RNF32: variants seen among roughly 807,000 people sequenced by gnomAD.
RNF32 encodes ring finger protein 32.
RNF32 carries 36 observed loss-of-function variants against 41.0 expected under a neutral mutation model. That is an observed-to-expected ratio of 0.88 (90% CI 0.67 to 1.16). The LOEUF (loss-of-function observed/expected upper bound fraction) is 1.16, where lower values mean the gene tolerates loss of function less well. RNF32 is among the 50% of genes most tolerant of loss of function. The probability of loss-of-function intolerance (pLI) is 0.00; values close to 1 mark genes in which losing one functional copy is unlikely to be tolerated. For missense variants in RNF32, 413 were observed against 436.7 expected (o/e 0.95, Z 0.48); for synonymous variants, 154 against 160.9 (o/e 0.96, Z 0.32).
At chr7:156,654,946 T>G (rs1049916333) in intron 4 of RNF32, 1 of 402,260 alleles carries the variant, frequency 2.5e-6, no homozygotes, top group African/African-American at 2.0e-5. Context: ...TACTAAAGTT[T>G]GTACAAAAGG....
At chr7:156,655,595 T>C (rs1044030841) in intron 4 of RNF32, among the ~76,000 whole-genome samples, 2 of 152,216 alleles carry the variant, frequency 1.3e-5, no homozygotes, top group Admixed American at 1.3e-4. Context: ...TGAGTCTTCA[T>C]TGAATTTGAG....
At chr7:156,654,880 A>C in intron 4 of RNF32, 162 bp downstream of exon 4, 1 of 585,606 alleles carries the variant, frequency 1.7e-6, no homozygotes, top group Admixed American at 3.0e-5. Flanking sequence ...AAGTGTGTGA[A>C]GAGCTAAACA....
intron 1 of RNF32, chr7:156,641,133 A>C (rs1298619264): frequency 6.6e-6 from 1 of 152,498 alleles, no homozygotes; most frequent in Admixed American, 6.5e-5. Context: ...CCCCAGGTGC[A>C]GGGTGGTGTC....
At chr7:156,654,330 T>C (rs961482778) in intron 3 of RNF32, 4 of 380,816 alleles carry the variant, frequency 1.1e-5, no homozygotes, top group Non-Finnish European at 1.9e-5. Context: ...ACTGGCAGTA[T>C]ACAGGAGGAT....
chr7:156,660,331 G>A (rs1800440933), intron 7 of RNF32: 7 of 974,218 alleles, frequency 7.2e-6, no homozygotes, highest in Non-Finnish European at 8.5e-6. Flanking sequence ...AAGAAGAACA[G>A]AAGTATGAAT....
At chr7:156,647,796 C>T (rs1490424529) in intron 3 of RNF32, among the ~76,000 whole-genome samples, 2 of 152,160 alleles carry the variant, frequency 1.3e-5, no homozygotes. Flanking sequence ...TACATTCCCA[C>T]CAGCAGTGTA....
chr7:156,643,910 T>A lies in RNF32; in HGVS notation c.15+18T>A, dbSNP rs376520096. ...AAAATAAGGTACGCTATTCTTTTCT[T>A]AAACATACACGTTATTTGACTCATG... On this transcript the variant is annotated intron_variant, in intron 2 of 8. Transcript: ENST00000317955. 2 of 1,601,558 alleles carry A rather than the reference T, an allele frequency of 1.2e-6. No homozygotes were observed. The highest frequency in any genetic ancestry group is 4.5e-5 in the East Asian group (2 of 44,816).
At chr7:156,654,897 TTAAA>T (rs1799366478) in intron 4 of RNF32, 179 bp downstream of exon 4, 2 of 524,468 alleles carry the variant, frequency 3.8e-6, no homozygotes, top group Admixed American at 3.2e-5. Context: ...AACACCCTCA[TTAAA>T]TAGTTTTGTT....
intron 3 of RNF32, among the ~76,000 whole-genome samples, chr7:156,652,022 G>A (rs1046593978): frequency 9.8e-4 from 149 of 152,128 alleles, no homozygotes; most frequent in Non-Finnish European, 3.8e-4. Context: ...TTCTTCCCTC[G>A]TAGTGGCGAC....
chr7:156,658,061 A>G, intron 5 of RNF32, 67 bp from the exon 6 acceptor site: 1 of 1,466,526 alleles, frequency 6.8e-7, no homozygotes, highest in Non-Finnish European at 9.5e-7. Flanking sequence ...GAACACTAAC[A>G]TTGGAAGTAA....
rs746623226 is a variant in RNF32 at position 156,658,580 on chromosome 7, GATC to G, written c.684+13_684+15del. ...ATTCTTTGAAAAAAAGGTAGGTAAA[GATC>G]ATTATGTTCTCCAGATATGGTCTCC... On this transcript the variant is annotated intron_variant, in intron 7 of 8. Transcript: ENST00000317955. 6.5e-7 allele frequency: 1 copy of G among 1,545,560 alleles called. No individual in the cohort carries two copies. Among genetic ancestry groups the G allele is most frequent in the South Asian group, 1.1e-5 (1 of 89,574 alleles).
intron 4 of RNF32, among the ~76,000 whole-genome samples, chr7:156,655,250 C>T (rs569896350): frequency 6.6e-6 from 1 of 151,826 alleles, no homozygotes; most frequent in Admixed American, 6.6e-5. Flanking sequence ...CACACACACA[C>T]ACACACACAC....
chr7:156,663,626 G>A (rs569763090), intron 7 of RNF32, among the ~76,000 whole-genome samples: 1 of 152,288 alleles, frequency 6.6e-6, no homozygotes, highest in South Asian at 2.1e-4. Context: ...GAGGTATGAA[G>A]AGCTAATAAT....
In RNF32 at chr7:156,657,366, G is replaced by A. The variant is rs192745093; in HGVS notation, c.418-175G>A. On this transcript the variant is annotated intron_variant, in intron 4 of 8. Coordinates refer to ENST00000317955, the MANE Select transcript of RNF32 (RefSeq NM_030936.4). ...AGATCATGAATTTTTGTTATTTAGA[G>A]TATATACTTGTGCTGTGCTAAACAA... is the stretch of plus-strand genomic sequence containing the variant. 1.3e-3 allele frequency: 792 copies of A among 626,392 alleles called. 7 individuals are homozygous for A. The highest frequency in any genetic ancestry group is 8.0e-3 in the African/African-American group (435 of 54,542). 38.8% of individuals were successfully genotyped at this position (626,392 alleles called of 1,614,324 possible). A position where few individuals can be genotyped will look rare whatever the true frequency, so the allele number is the denominator to read the frequency against.
In RNF32 at chr7:156,675,677, GC is replaced by G; in HGVS notation, c.685-14del. On this transcript the variant is annotated intron_variant, in intron 7 of 8. Coordinates refer to ENST00000317955, the MANE Select transcript of RNF32 (RefSeq NM_030936.4). Reference sequence around the variant, plus strand: ...ACCGAGCTCAGGTGTGAGCTTACCCGCCCCCGCCTCCTCCTCAGTTCACAGA... The same window carrying G: ...ACCGAGCTCAGGTGTGAGCTTACCCGCCCCGCCTCCTCCTCAGTTCACAGA... 2.9e-6 allele frequency: 4 copies of G among 1,391,938 alleles called. No homozygotes were observed. Among genetic ancestry groups the G allele is most frequent in the Non-Finnish European group, 2.0e-6 (2 of 983,206 alleles). 86.2% of individuals were successfully genotyped at this position (1,391,938 alleles called of 1,614,324 possible).
At chr7:156,649,437 G>C (rs955198910) in intron 3 of RNF32, among the ~76,000 whole-genome samples, 1 of 151,466 alleles carries the variant, frequency 6.6e-6, no homozygotes, top group Non-Finnish European at 1.5e-5. Context: ...AGGATCTCCT[G>C]AGCTGTGGTG....
In RNF32 at chr7:156,669,840, T is replaced by C. The variant is rs1802080753; in HGVS notation, c.685-5856T>C. ...CAAAATAACCAGATGAGACGTGCAG[T>C]TGGGCCTGCAGCACGCAGGGCTTGG... On this transcript the variant is annotated intron_variant, in intron 7 of 8. Coordinates refer to ENST00000317955, the MANE Select transcript of RNF32 (RefSeq NM_030936.4). This position sits in a 1 kb window ranked among gnomAD's most constrained non-coding sequence, Gnocchi z 4.2. 6.6e-6 allele frequency among the ~76,000 whole-genome samples: 1 copy of C among 152,076 alleles called. No individual in the cohort carries two copies. The highest frequency in any genetic ancestry group is 2.4e-5 in the African/African-American group (1 of 41,420).
intron 3 of RNF32, chr7:156,646,310 C>A: frequency 1.3e-6 from 1 of 775,410 alleles, no homozygotes; most frequent in Non-Finnish European, 1.9e-6. Flanking sequence ...TGGCAGGGTT[C>A]TACAGAAGAA....
At chr7:156,650,222 G>A (rs1157104803) in intron 3 of RNF32, among the ~76,000 whole-genome samples, 4 of 152,240 alleles carry the variant, frequency 2.6e-5, no homozygotes, top group South Asian at 2.1e-4. Flanking sequence ...GTGCTGCCCC[G>A]TGCATGGACA....
Sources: gnomAD v4.1 joint callset for allele counts (sites outside exome capture counted in the v4.1 genomes callset) on GRCh38, gnomAD v4.1.1 for gene constraint, Gnocchi (gnomAD v3.1) non-coding constraint, MANE v1.5 for transcripts, NCBI Gene and HGNC (gene_info 2026-07-23, HGNC 2026-07-21) for gene names.